SLC9A9: variants seen among roughly 807,000 people sequenced by gnomAD.
SLC9A9 encodes sodium/hydrogen exchanger 9.
In SLC9A9, 62 loss-of-function variants were observed where a neutral mutation model predicts 77.8. The ratio of observed to expected loss-of-function variants is 0.80; its 90% CI spans 0.65 to 0.98. SLC9A9 has a LOEUF of 0.98. SLC9A9 is among the 50% of genes least tolerant of loss of function. SLC9A9 has a pLI of 0.00. For missense variants in SLC9A9, 775 were observed against 774.9 expected (o/e 1.00, Z 0.00); for synonymous variants, 320 against 283.5 (o/e 1.13, Z -1.29).
chr3:143,521,963 G>C (rs917224158), intron 9 of SLC9A9, among the ~76,000 whole-genome samples: 1 of 152,094 alleles, frequency 6.6e-6, no homozygotes, highest in South Asian at 2.1e-4. Context: ...GCTCGTGTTG[G>C]TGGGGCTGTA....
chr3:143,528,199 C>G (rs759056181), intron 9 of SLC9A9, among the ~76,000 whole-genome samples: 3 of 152,172 alleles, frequency 2.0e-5, no homozygotes, highest in Non-Finnish European at 4.4e-5. Context: ...TTTGCTCCAC[C>G]ATTATAGGCT....
intron 9 of SLC9A9, among the ~76,000 whole-genome samples, chr3:143,501,981 A>G (rs1462025220): frequency 1.3e-5 from 2 of 150,880 alleles, no homozygotes; most frequent in African/African-American, 5.0e-5. Context: ...CTTATTGGTC[A>G]ATTTTGGATA....
chr3:143,270,913 G>C (rs906366131), intron 14 of SLC9A9, among the ~76,000 whole-genome samples: 3 of 152,108 alleles, frequency 2.0e-5, no homozygotes, highest in Admixed American at 1.3e-4. Context: ...AGTTACCCAT[G>C]GTCAACCACA....
chr3:143,403,371 T>C (rs942831238), intron 12 of SLC9A9, among the ~76,000 whole-genome samples: 2 of 152,160 alleles, frequency 1.3e-5, no homozygotes, highest in Admixed American at 1.3e-4. Context: ...TATATTGTTT[T>C]TAGTTTTAAA....
intron 14 of SLC9A9, among the ~76,000 whole-genome samples, chr3:143,322,712 T>A (rs185959138): frequency 6.6e-6 from 1 of 152,188 alleles, no homozygotes; most frequent in Non-Finnish European, 1.5e-5. Flanking sequence ...CTAGGAATAT[T>A]TCTGGTGTAT....
chr3:143,682,918 C>T (rs929702593), intron 5 of SLC9A9, among the ~76,000 whole-genome samples: 1 of 152,154 alleles, frequency 6.6e-6, no homozygotes, highest in African/African-American at 2.4e-5. Context: ...GTAATCTCCA[C>T]ATTTCAAGGT....
At chr3:143,724,718 G>T (rs1934591722) in intron 4 of SLC9A9, among the ~76,000 whole-genome samples, 1 of 152,222 alleles carries the variant, frequency 6.6e-6, no homozygotes. Flanking sequence ...GATGAGAAGA[G>T]TCTAATGTGT....
chr3:143,339,264 G>T (rs936367702), intron 14 of SLC9A9, among the ~76,000 whole-genome samples: 1 of 152,128 alleles, frequency 6.6e-6, no homozygotes, highest in East Asian at 1.9e-4. Context: ...GAGGTTCATC[G>T]CATGGCCCCT....
intron 5 of SLC9A9, among the ~76,000 whole-genome samples, chr3:143,656,297 T>C (rs1024930598): frequency 1.3e-5 from 2 of 152,204 alleles, no homozygotes; most frequent in African/African-American, 4.8e-5. Context: ...CAAGGGTCTT[T>C]TCCCCTACAA....
At chr3:143,547,891 C>T (rs2108635451) in intron 9 of SLC9A9, among the ~76,000 whole-genome samples, 1 of 152,314 alleles carries the variant, frequency 6.6e-6, no homozygotes, top group Non-Finnish European at 1.5e-5. Flanking sequence ...TATGAAGTTC[C>T]TCAACTAGAA....
chr3:143,625,675 T>A (rs979073446), intron 6 of SLC9A9, among the ~76,000 whole-genome samples: 2 of 152,162 alleles, frequency 1.3e-5, no homozygotes, highest in Non-Finnish European at 2.9e-5. Flanking sequence ...GAAGAAAACC[T>A]AGGCAATACC....
In SLC9A9 at chr3:143,748,999, G is replaced by A. The variant is rs553992329; in HGVS notation, c.533+46002C>T. Among the ~76,000 whole-genome samples, 18 of 152,186 alleles carry A rather than the reference G, an allele frequency of 1.2e-4. No individual in the cohort carries two copies. In the East Asian group the frequency reaches 1.4e-3, roughly 11 times the overall value. On this transcript the variant is annotated intron_variant, in intron 4 of 15. Coordinates refer to ENST00000316549, the MANE Select transcript of SLC9A9 (RefSeq NM_173653.4). Reference sequence around the variant, plus strand: ...ATTACAGGCGTGAGCCACCGCGCCCGGCCTGACCAAGCTTTTTAACTGAAC... The same window carrying A: ...ATTACAGGCGTGAGCCACCGCGCCCAGCCTGACCAAGCTTTTTAACTGAAC...
intron 11 of SLC9A9, among the ~76,000 whole-genome samples, chr3:143,474,783 A>C (rs2035441096): frequency 6.6e-6 from 1 of 150,670 alleles, no homozygotes; most frequent in African/African-American, 2.4e-5. Flanking sequence ...AGCTTGAAAA[A>C]TGTAGGAAGA....
intron 14 of SLC9A9, among the ~76,000 whole-genome samples, chr3:143,323,754 T>C (rs945361478): frequency 3.3e-5 from 5 of 152,162 alleles, no homozygotes; most frequent in African/African-American, 1.2e-4. Context: ...TATATACATG[T>C]AACAAAATTT....
At chr3:143,745,054 G>C (rs1424571922) in intron 4 of SLC9A9, among the ~76,000 whole-genome samples, 10 of 152,164 alleles carry the variant, frequency 6.6e-5, no homozygotes. Flanking sequence ...TTGAATGCCA[G>C]AAGCTTTTTA....
intron 4 of SLC9A9, among the ~76,000 whole-genome samples, chr3:143,749,156 A>G (rs1458153421): frequency 6.6e-6 from 1 of 152,184 alleles, no homozygotes; most frequent in Non-Finnish European, 1.5e-5. Context: ...ATATTTGCAT[A>G]ATATTTTAAA....
chr3:143,436,914 G>A (rs1421539439), intron 12 of SLC9A9, among the ~76,000 whole-genome samples: 1 of 152,184 alleles, frequency 6.6e-6, no homozygotes, highest in African/African-American at 2.4e-5. Flanking sequence ...CCACTCAGAA[G>A]TCACTTTCTT....
chr3:143,425,264 CTTT>C (rs200568656), intron 12 of SLC9A9, among the ~76,000 whole-genome samples: 6,898 of 98,604 alleles, frequency 0.07, 268 homozygotes, highest in African/African-American at 0.15. Context: ...TGAGGCTTAG[CTTT>C]TTTTTTTTTT....
At chr3:143,373,780 GAAAC>G (rs1258781418) in intron 13 of SLC9A9, among the ~76,000 whole-genome samples, 1 of 151,752 alleles carries the variant, frequency 6.6e-6, no homozygotes, top group Non-Finnish European at 1.5e-5. Context: ...AAAACACAGA[GAAAC>G]AAGATTAAAA....
Sources: allele counts gnomAD v4.1 joint callset (sites outside exome capture counted in the v4.1 genomes callset), GRCh38; gene constraint gnomAD v4.1.1; transcripts MANE v1.5; gene names NCBI Gene and HGNC (gene_info 2026-07-23, HGNC 2026-07-21).